PIWIL4: variants seen among roughly 807,000 people sequenced by gnomAD.
The protein encoded by PIWIL4 is piwi-like protein 4.
A neutral mutation model predicts 100.9 loss-of-function variants in PIWIL4; 50 were observed. That is an observed-to-expected ratio of 0.50 (90% CI 0.39 to 0.63). The LOEUF (loss-of-function observed/expected upper bound fraction) is 0.63, where lower values mean the gene tolerates loss of function less well. PIWIL4 is among the 20% of genes least tolerant of loss of function. The pLI is 0.00. For missense variants in PIWIL4, 887 were observed against 1,043.3 expected, an observed-to-expected ratio of 0.85 and a Z score of 2.06; for synonymous variants, 342 against 367.5, an observed-to-expected ratio of 0.93 and a Z score of 0.79.
chr11:94,590,044 G>C (rs1051251981), intron 8 of PIWIL4, among the ~76,000 whole-genome samples: 1 of 152,180 alleles, frequency 6.6e-6, no homozygotes, highest in Non-Finnish European at 1.5e-5. Context: ...TCTCTTTAAT[G>C]TATAGTAATA....
intron 12 of PIWIL4, among the ~76,000 whole-genome samples, chr11:94,602,284 T>C (rs1948653176): frequency 6.6e-6 from 1 of 152,208 alleles, no homozygotes. Flanking sequence ...TTCTCAACTG[T>C]TTTTCCTTCT....
chr11:94,609,891 A>C (rs1948768459), intron 15 of PIWIL4, among the ~76,000 whole-genome samples: 1 of 151,950 alleles, frequency 6.6e-6, no homozygotes, highest in Non-Finnish European at 1.5e-5. Context: ...GTGTGTGGTG[A>C]GACTACTTAA....
intron 13 of PIWIL4, among the ~76,000 whole-genome samples, chr11:94,604,689 G>A (rs1177324643): frequency 6.6e-6 from 1 of 152,302 alleles, no homozygotes. Flanking sequence ...TCCCAGGAAT[G>A]TTTACTCTTC....
intron 11 of PIWIL4, among the ~76,000 whole-genome samples, chr11:94,600,831 T>G (rs953491173): frequency 2.0e-5 from 3 of 152,116 alleles, no homozygotes; most frequent in African/African-American, 7.2e-5. Context: ...GGATGTTCCT[T>G]GCTGAGAAAA....
rs1948385287 is a variant in PIWIL4, at chr11:94,585,429, A to G, written c.636-16A>G. 6.3e-7 allele frequency: 1 copy of G among 1,595,540 alleles called. No homozygotes were observed. The highest frequency in any genetic ancestry group is 1.4e-5 in the African/African-American group (1 of 73,992). ...TGACTGATATTTACCAAAAATTCAA[A>G]AAAATATACTTGCAGGATCCTCAAA... On this transcript the variant is annotated splice_polypyrimidine_tract_variant and intron_variant, in intron 5 of 19. Transcript: ENST00000299001.
At position 94,589,107 on chromosome 11, in the gene PIWIL4, T is replaced by C. The variant is rs1948444133; in HGVS notation, c.915-14T>C. The C allele has an allele frequency of 6.4e-7, 1 of 1,574,516 alleles. No homozygotes were observed. The highest frequency in any genetic ancestry group is 8.7e-7 in the Non-Finnish European group (1 of 1,146,646). On this transcript the variant is annotated splice_polypyrimidine_tract_variant and intron_variant, in intron 7 of 19. Transcript: ENST00000299001. ...TGATTAAAAAACAATTTAAAGACTT[T>C]TTATATTTGGCAGATACAATAACAG...
intron 11 of PIWIL4, among the ~76,000 whole-genome samples, chr11:94,601,146 A>G (rs776688677): frequency 6.6e-6 from 1 of 151,832 alleles, no homozygotes; most frequent in Non-Finnish European, 1.5e-5. Context: ...GTATTGATTG[A>G]GGAAGTGATA....
In PIWIL4 at chr11:94,569,624, C is replaced by G. The variant is rs181000075; in HGVS notation, c.166+816C>G. Among the ~76,000 whole-genome samples the G allele has an allele frequency of 4.5e-3, 691 of 152,306 alleles. 6 individuals are homozygous for G. Among genetic ancestry groups the G allele is most frequent in the African/African-American group, 0.015 (644 of 41,562 alleles). ...AACTCCTGACCTCAGGTGATCTGCC[C>G]ACCTTGGCTTCCCAAAGTGCTGGGA... On this transcript the variant is annotated intron_variant, in intron 2 of 19. Coordinates refer to ENST00000299001, the MANE Select transcript of PIWIL4 (RefSeq NM_152431.3).
At chr11:94,592,930 A>G (rs913077276) in intron 8 of PIWIL4, among the ~76,000 whole-genome samples, 2 of 152,202 alleles carry the variant, frequency 1.3e-5, no homozygotes, top group African/African-American at 4.8e-5. Flanking sequence ...AGATGAGGAA[A>G]GTTAAGTCAC....
chr11:94,599,751 C>T (rs560687582), intron 11 of PIWIL4, among the ~76,000 whole-genome samples: 1 of 152,306 alleles, frequency 6.6e-6, no homozygotes, highest in East Asian at 1.9e-4. Context: ...TGTCAGGAGA[C>T]CAGCATTCTA....
At chr11:94,567,865 T>G in intron 1 of PIWIL4, 1 of 1,036,242 alleles carries the variant, frequency 9.7e-7, no homozygotes, top group Non-Finnish European at 1.2e-6. Flanking sequence ...TCTCTTCTAC[T>G]TTCTGAGTTT....
chr11:94,616,718 G>T (rs900575343), intron 16 of PIWIL4, among the ~76,000 whole-genome samples, 155 bp downstream of exon 16: 1 of 152,170 alleles, frequency 6.6e-6, no homozygotes, highest in Non-Finnish European at 1.5e-5. Flanking sequence ...GCTGCATGCC[G>T]ATTTAGGCCA....
chr11:94,567,592 A>C lies in PIWIL4; in HGVS notation c.74A>C (p.Gln25Pro). 1.2e-6 allele frequency: 2 copies of C among 1,604,958 alleles called. No individual in the cohort carries two copies. Among genetic ancestry groups the C allele is most frequent in the Non-Finnish European group, 1.7e-6 (2 of 1,175,776 alleles). The change falls in exon 1 of 20, where the codon CAA (glutamine) becomes CCA (proline). Residue 25 changes from glutamine to proline, a missense_variant. Physicochemically the swap from Gln to Pro is moderately conservative, Grantham distance 76. Transcript: ENST00000299001. ...AGTGCCACAGAAGTGGGGCGCATCC[A>C]AGCCTCGCCATTGGTGTGTAGAATG... ...SPSATEVGRI[Q>P]ASPLPRSVDL...
chr11:94,567,684 G>C, intron 1 of PIWIL4, 79 bp downstream of exon 1: 1 of 1,414,434 alleles, frequency 7.1e-7, no homozygotes, highest in Non-Finnish European at 9.4e-7. Flanking sequence ...TCCTCTGCAT[G>C]TATCTCCTCC....
intron 4 of PIWIL4, among the ~76,000 whole-genome samples, chr11:94,578,152 G>C (rs2186624): frequency 6.6e-6 from 1 of 151,884 alleles, no homozygotes; most frequent in Non-Finnish European, 1.5e-5. Flanking sequence ...TCCACCTCTC[G>C]GTAGTGATTG....
At chr11:94,588,892 A>G (rs1414643593) in intron 7 of PIWIL4, among the ~76,000 whole-genome samples, 2 of 152,226 alleles carry the variant, frequency 1.3e-5, no homozygotes, top group African/African-American at 2.4e-5. Context: ...ACTTTCCCAC[A>G]GGTTTTGTTG....
chr11:94,607,784 C>G, intron 14 of PIWIL4, 145 bp downstream of exon 14: 1 of 824,562 alleles, frequency 1.2e-6, no homozygotes, highest in Non-Finnish European at 1.8e-6. Flanking sequence ...TTCCATAAGC[C>G]ATTGTGAATC....
intron 2 of PIWIL4, among the ~76,000 whole-genome samples, 167 bp downstream of exon 2, chr11:94,568,975 G>C (rs563001433): frequency 6.6e-6 from 1 of 152,164 alleles, no homozygotes; most frequent in Admixed American, 6.5e-5. Flanking sequence ...ATAGAAGCAC[G>C]TGCTGAATTT....
At chr11:94,568,155 G>GATTTGGACCA (rs1359700162) in intron 1 of PIWIL4, among the ~76,000 whole-genome samples, 1 of 151,870 alleles carries the variant, frequency 6.6e-6, no homozygotes, top group Non-Finnish European at 1.5e-5. Flanking sequence ...GTATCCAAAT[G>GATTTGGACCA]AATAGTTTGT....
Sources: allele counts gnomAD v4.1 joint callset (sites outside exome capture counted in the v4.1 genomes callset), GRCh38; gene constraint gnomAD v4.1.1; transcripts MANE v1.5; gene names NCBI Gene and HGNC (gene_info 2026-07-23, HGNC 2026-07-21).